The following MCCC1 variants were observed in gnomAD, a reference collection of about 807,000 sequenced individuals.
MCCC1 encodes the protein methylcrotonoyl-CoA carboxylase subunit alpha, mitochondrial.
MCCC1 carries 64 observed loss-of-function variants against 83.8 expected under a neutral mutation model. The ratio of observed to expected loss-of-function variants is 0.76; its 90% CI spans 0.62 to 0.94. The LOEUF (loss-of-function observed/expected upper bound fraction) is 0.94. Ranked by LOEUF, MCCC1 falls within the 40% of genes least tolerant of loss-of-function variation. The pLI is 0.00. For missense variants in MCCC1, 807 were observed against 904.7 expected (o/e 0.89, Z 1.39); for synonymous variants, 322 against 315.4 (o/e 1.02, Z -0.22).
chr3:183,033,794 G>T (rs1713281492), intron 14 of MCCC1, among the ~76,000 whole-genome samples, 197 bp downstream of exon 14: 1 of 152,070 alleles, frequency 6.6e-6, no homozygotes, highest in Non-Finnish European at 1.5e-5. Flanking sequence ...AAAGTGTAAA[G>T]AAGAAAAGCA....
At position 183,083,881 on chromosome 3, in the gene MCCC1, C is replaced by A. The variant is rs1717696628; in HGVS notation, c.369+2812G>T. On this transcript the variant is annotated intron_variant, in intron 4 of 18. Coordinates refer to ENST00000265594, the MANE Select transcript of MCCC1 (RefSeq NM_020166.5). ...CCTTCCCTTTTTCCAAAATGCAGGG[C>A]AAGAAAGTTCTACTGCTCAGTCTGG... Among the ~76,000 whole-genome samples, 4 of 152,094 alleles carry A rather than the reference C, an allele frequency of 2.6e-5. No homozygotes were observed. The South Asian group carries it at 8.3e-4, about 32-fold the overall frequency.
At chr3:183,033,496 T>C (rs1399823165) in intron 14 of MCCC1, among the ~76,000 whole-genome samples, 1 of 152,232 alleles carries the variant, frequency 6.6e-6, no homozygotes, top group Non-Finnish European at 1.5e-5. Flanking sequence ...GATAAGGCAC[T>C]TAATAAATTA....
intron 7 of MCCC1, among the ~76,000 whole-genome samples, chr3:183,067,963 C>T (rs557638255): frequency 6.6e-6 from 1 of 152,244 alleles, no homozygotes; most frequent in South Asian, 2.1e-4. Context: ...CCTCAACATA[C>T]CGATGCTTTC....
intron 8 of MCCC1, 67 bp from the exon 9 acceptor site, chr3:183,052,307 C>A: frequency 7.2e-7 from 1 of 1,380,008 alleles, no homozygotes; most frequent in South Asian, 1.2e-5. Flanking sequence ...CATTAAAATT[C>A]AATTCAGTCA....
rs201782543 is a variant in MCCC1 at position 183,022,447 on chromosome 3, G to T, written c.1839C>A (p.Ile613=). ...NGVASKAKLI[I]LENTIYLFSK... The stretch of plus-strand genomic sequence containing the variant: ...AAAATAGGTAAATAGTGTTTTCCAG[G>T]ATAATCAGCTTCGCTTTACTAGCAA... The change falls in exon 16 of 19, where the codon ATC becomes ATA. Residue 613 remains isoleucine, a synonymous_variant. Coordinates refer to ENST00000265594, the MANE Select transcript of MCCC1 (RefSeq NM_020166.5). 122 of 1,614,146 alleles carry T rather than the reference G, an allele frequency of 7.6e-5. No homozygotes were observed. In the East Asian group the frequency reaches 2.7e-3, roughly 36 times the overall value.
chr3:183,037,117 G>C, intron 13 of MCCC1, 101 bp downstream of exon 13: 1 of 1,100,548 alleles, frequency 9.1e-7, no homozygotes, highest in African/African-American at 1.5e-5. Context: ...CAGTCACTGA[G>C]AGGAGAAAAG....
intron 10 of MCCC1, 92 bp downstream of exon 10, chr3:183,045,321 C>A: frequency 1.4e-6 from 2 of 1,466,538 alleles, no homozygotes; most frequent in Middle Eastern, 3.5e-4. Context: ...CTCAGGTGAT[C>A]CACCTGCCTT....
At chr3:183,098,592 T>A (rs948031163) in intron 1 of MCCC1, 1 of 152,256 alleles carries the variant, frequency 6.6e-6, no homozygotes, top group African/African-American at 2.4e-5. Flanking sequence ...TGATGAAGGA[T>A]GATAACGATG....
At chr3:183,069,454 G>A (rs919163583) in intron 7 of MCCC1, among the ~76,000 whole-genome samples, 1 of 152,042 alleles carries the variant, frequency 6.6e-6, no homozygotes, top group Non-Finnish European at 1.5e-5. Flanking sequence ...TTGAAAGGAA[G>A]CCTTCAATGT....
chr3:183,031,557 G>C (rs1291120566), intron 14 of MCCC1, among the ~76,000 whole-genome samples: 1 of 143,232 alleles, frequency 7.0e-6, no homozygotes, highest in Non-Finnish European at 1.5e-5. Context: ...GAGTGCAGTG[G>C]TGCAATCTCG....
intron 4 of MCCC1, among the ~76,000 whole-genome samples, chr3:183,077,978 T>C (rs1019571842): frequency 2.6e-4 from 39 of 152,190 alleles, no homozygotes; most frequent in African/African-American, 9.2e-4. Flanking sequence ...TACTGACCTG[T>C]TTTTATCCTT....
chr3:183,086,912 C>A, intron 3 of MCCC1, 124 bp from the exon 4 acceptor site: 1 of 846,340 alleles, frequency 1.2e-6, no homozygotes. Context: ...AAGAACAGTG[C>A]AAGAATTGAA....
Position 183,076,542 on chromosome 3 carries a change from TGTTTG to T in MCCC1, c.370-4060_370-4056del, listed in dbSNP as rs572779149. On this transcript the variant is annotated intron_variant, in intron 4 of 18. Transcript: ENST00000265594. ...TTGGGTAAATACCCAGGAGTGCAATTGTTTGGTCCTAATATGGTAAGAATACATTT... is the reference window on the plus strand; with the variant it reads ...TTGGGTAAATACCCAGGAGTGCAATTGTCCTAATATGGTAAGAATACATTT... 2.1e-4 allele frequency among the ~76,000 whole-genome samples: 32 copies of T among 152,310 alleles called. No individual in the cohort carries two copies. The South Asian group carries it at 6.6e-3, about 32-fold the overall frequency.
chr3:183,051,152 G>A (rs375491728), intron 9 of MCCC1, among the ~76,000 whole-genome samples: 2 of 152,164 alleles, frequency 1.3e-5, no homozygotes, highest in Non-Finnish European at 2.9e-5. Flanking sequence ...ATGTGACCCA[G>A]TAGCACGCTC....
At chr3:183,068,200 G>A (rs1716395011) in intron 7 of MCCC1, among the ~76,000 whole-genome samples, 2 of 152,218 alleles carry the variant, frequency 1.3e-5, no homozygotes, top group African/African-American at 4.8e-5. Context: ...GCTAAGACCT[G>A]CTGGGCTGCA....
chr3:183,020,271 A>C (rs1307315974), intron 16 of MCCC1, 34 bp from the exon 17 acceptor site: 1 of 1,462,586 alleles, frequency 6.8e-7, no homozygotes, highest in Non-Finnish European at 9.6e-7. Flanking sequence ...AACCGAATCA[A>C]CATCCTATCA....
At chr3:183,115,095 C>T (rs749121089) in intron 1 of MCCC1, among the ~76,000 whole-genome samples, 13 of 152,122 alleles carry the variant, frequency 8.5e-5, no homozygotes, top group Non-Finnish European at 1.0e-4. Context: ...GCCACACCAA[C>T]GTGCCCAGGG....
At chr3:183,097,247 A>C (rs77058654) in intron 1 of MCCC1, among the ~76,000 whole-genome samples, 1 of 144,994 alleles carries the variant, frequency 6.9e-6, no homozygotes, top group East Asian at 2.0e-4. Context: ...ACTCCGTCTC[A>C]AAAAAAAAAA....
intron 14 of MCCC1, 91 bp downstream of exon 14, chr3:183,033,900 A>T: frequency 1.0e-6 from 1 of 973,236 alleles, no homozygotes; most frequent in South Asian, 1.3e-5. Context: ...AATGTAACTG[A>T]CTGATCATGG....
Sources: gnomAD v4.1 joint callset for allele counts (sites outside exome capture counted in the v4.1 genomes callset) on GRCh38, gnomAD v4.1.1 for gene constraint, MANE v1.5 for transcripts, NCBI Gene and HGNC (gene_info 2026-07-23, HGNC 2026-07-21) for gene names.